Variants in PRRG4 observed in about 807,000 individuals in gnomAD.
PRRG4 encodes the protein proline rich and Gla domain 4, also known as transmembrane gamma-carboxyglutamic acid protein 4.
In PRRG4, 12 loss-of-function variants were observed where a neutral mutation model predicts 20.0. The ratio of observed to expected loss-of-function variants is 0.60; its 90% CI spans 0.38 to 0.97. PRRG4 has a LOEUF of 0.97. PRRG4 is among the 50% of genes least tolerant of loss of function. The pLI is 0.00. For synonymous variants in PRRG4, 94 were observed against 96.4 expected, an observed-to-expected ratio of 0.98 and a Z score of 0.15; for missense variants, 199 against 265.1, an observed-to-expected ratio of 0.75 and a Z score of 1.73.
rs1220079128 is a variant in PRRG4 at position 32,840,589 on chromosome 11, G to C, written c.449+350G>C. 6.6e-6 allele frequency among the ~76,000 whole-genome samples: 1 copy of C among 152,152 alleles called. No homozygotes were observed. Among genetic ancestry groups the C allele is most frequent in the African/African-American group, 2.4e-5 (1 of 41,442 alleles). On this transcript the variant is annotated intron_variant, in intron 5 of 5. Coordinates refer to ENST00000257836, the MANE Select transcript of PRRG4 (RefSeq NM_024081.6). The surrounding 1 kb of genome is among the most constrained non-coding windows in gnomAD (Gnocchi z 4.1). ...TCAAGTTACCACATTGCATTTAGCT[G>C]TCATGTCTTCCCAGTCTGTGGCAAT... is the stretch of plus-strand genomic sequence containing the variant.
At chr11:32,846,279 G>A (rs1269745402) in intron 5 of PRRG4, among the ~76,000 whole-genome samples, 1 of 152,204 alleles carries the variant, frequency 6.6e-6, no homozygotes, top group East Asian at 1.9e-4. Flanking sequence ...CAAAGTGCTA[G>A]GATTACAGGC....
At chr11:32,835,144 T>C (rs1322367683) in intron 2 of PRRG4, among the ~76,000 whole-genome samples, 1 of 152,236 alleles carries the variant, frequency 6.6e-6, no homozygotes, top group Non-Finnish European at 1.5e-5. Flanking sequence ...CATCTGTGGC[T>C]AATGGCTACC....
At chr11:32,845,484 C>G (rs1590675269) in intron 5 of PRRG4, among the ~76,000 whole-genome samples, 1 of 151,862 alleles carries the variant, frequency 6.6e-6, no homozygotes, top group African/African-American at 2.4e-5. Context: ...AAAAAAAAAT[C>G]AGCCGGGCGT....
intron 2 of PRRG4, 40 bp downstream of exon 2, chr11:32,830,672 C>T (rs776697694): frequency 1.4e-5 from 22 of 1,612,874 alleles, no homozygotes; most frequent in Non-Finnish European, 1.8e-5. Context: ...AGCCGCATAG[C>T]ACAGATCTCA....
intron 5 of PRRG4, among the ~76,000 whole-genome samples, chr11:32,848,704 G>A (rs1056058696): frequency 1.3e-5 from 2 of 152,010 alleles, no homozygotes; most frequent in Admixed American, 6.6e-5. Context: ...AGGGGTGGTG[G>A]CTCATGCCTG....
chr11:32,852,771 TC>T (rs1222745122), intron 5 of PRRG4, among the ~76,000 whole-genome samples: 2 of 144,494 alleles, frequency 1.4e-5, no homozygotes, highest in Non-Finnish European at 3.0e-5. Context: ...ATCAGATTTC[TC>T]TTTTTTTTTT....
rs1851220368 is a variant in PRRG4 at position 32,855,258 on chromosome 11, G to C, written c.*1731G>C. On this transcript the variant is annotated 3_prime_UTR_variant, in exon 6 of 6. Coordinates refer to ENST00000257836, the MANE Select transcript of PRRG4 (RefSeq NM_024081.6). ...GCAGCATATAAGCTATAAATTTCTGGAGTATATGCACACAAATTTATCTGG... is the reference window on the plus strand; with the variant it reads ...GCAGCATATAAGCTATAAATTTCTGCAGTATATGCACACAAATTTATCTGG... 6.6e-6 allele frequency: 1 copy of C among 152,032 alleles called. No homozygotes were observed. Among genetic ancestry groups the C allele is most frequent in the South Asian group, 2.1e-4 (1 of 4,822 alleles). The allele number at this position is 152,032 out of a possible 1,614,324, so 9.4% of individuals were successfully genotyped here.
In PRRG4 at chr11:32,830,651, C is replaced by T; in HGVS notation, c.103+19C>T. The T allele has an allele frequency of 5.6e-6, 9 of 1,613,850 alleles. No individual in the cohort carries two copies. The highest frequency in any genetic ancestry group is 7.6e-6 in the Non-Finnish European group (9 of 1,179,972). ...GAAGAAGGTAAGCACTAAAACGTCC[C>T]TGGAACCCAGAGCCGCATAGCACAG... is the stretch of plus-strand genomic sequence containing the variant. On this transcript the variant is annotated intron_variant, in intron 2 of 5. Coordinates refer to ENST00000257836, the MANE Select transcript of PRRG4 (RefSeq NM_024081.6).
rs559715124 is a variant in PRRG4, at chr11:32,845,885, G to A, written c.449+5646G>A. Among the ~76,000 whole-genome samples, 16 of 152,130 alleles carry A rather than the reference G, an allele frequency of 1.1e-4. No individual in the cohort carries two copies. In the South Asian group the frequency reaches 1.7e-3, roughly 16 times the overall value. The stretch of plus-strand genomic sequence containing the variant: ...ATAATTGTAAGCCAAGGCCAGGCAC[G>A]GTGGCTCATGCCTGTAGTCCCAGCT... On this transcript the variant is annotated intron_variant, in intron 5 of 5. Coordinates refer to ENST00000257836, the MANE Select transcript of PRRG4 (RefSeq NM_024081.6).
At chr11:32,849,449 G>T (rs1405492634) in intron 5 of PRRG4, among the ~76,000 whole-genome samples, 1 of 152,066 alleles carries the variant, frequency 6.6e-6, no homozygotes, top group Non-Finnish European at 1.5e-5. Flanking sequence ...CAGATCACGA[G>T]GTCAGGAGTT....
In PRRG4 at chr11:32,856,232, T is replaced by G. The variant is rs1851226825; in HGVS notation, c.*2705T>G. On this transcript the variant is annotated 3_prime_UTR_variant, in exon 6 of 6. Coordinates refer to ENST00000257836, the MANE Select transcript of PRRG4 (RefSeq NM_024081.6). ...GACTCCCAAAATTCTAACTGCAAGC[T>G]AGCTTCAGAACCTGTGAGAACCCCA... 1 of 152,230 alleles carries G rather than the reference T, an allele frequency of 6.6e-6. No individual in the cohort carries two copies. Among genetic ancestry groups the G allele is most frequent in the African/African-American group, 2.4e-5 (1 of 41,452 alleles). 9.4% of individuals were successfully genotyped at this position (152,230 alleles called of 1,614,324 possible). A position where few individuals can be genotyped will look rare whatever the true frequency, so the allele number is the denominator to read the frequency against.
chr11:32,833,182 CAGTCAGTG>C (rs774849569), intron 2 of PRRG4, among the ~76,000 whole-genome samples: 19 of 152,196 alleles, frequency 1.2e-4, no homozygotes, highest in Non-Finnish European at 8.8e-5. Flanking sequence ...CACCAAAAGT[CAGTCAGTG>C]ACAGAATCAG....
At chr11:32,851,922 T>C (rs756319046) in intron 5 of PRRG4, among the ~76,000 whole-genome samples, 5 of 152,200 alleles carry the variant, frequency 3.3e-5, no homozygotes, top group Non-Finnish European at 5.9e-5. Context: ...CTATAGGAGG[T>C]TAATGTATGT....
intron 2 of PRRG4, among the ~76,000 whole-genome samples, chr11:32,836,384 GA>G (rs1851019768): frequency 6.6e-6 from 1 of 152,062 alleles, no homozygotes; most frequent in Non-Finnish European, 1.5e-5. Context: ...TATCTGGAGG[GA>G]AAAGAGATAT....
In PRRG4 at chr11:32,831,125, T is replaced by C. The variant is rs117481707; in HGVS notation, c.103+493T>C. On this transcript the variant is annotated intron_variant, in intron 2 of 5. Coordinates refer to ENST00000257836, the MANE Select transcript of PRRG4 (RefSeq NM_024081.6). ...TGAGGTCCTTTTTGACTTCAGATGGTCTAGTTGTCTAGATAAAAGCAGCTA... is the reference window on the plus strand; with the variant it reads ...TGAGGTCCTTTTTGACTTCAGATGGCCTAGTTGTCTAGATAAAAGCAGCTA... Among the ~76,000 whole-genome samples, 16 of 152,282 alleles carry C rather than the reference T, an allele frequency of 1.1e-4. No homozygotes were observed. The East Asian group carries it at 1.5e-3, about 15-fold the overall frequency.
intron 5 of PRRG4, among the ~76,000 whole-genome samples, chr11:32,848,666 CA>C (rs1565117231): frequency 6.6e-6 from 1 of 150,880 alleles, no homozygotes; most frequent in Non-Finnish European, 1.5e-5. Flanking sequence ...ACTTGGAAAA[CA>C]AAAAAAGAAA....
At chr11:32,841,873 G>A (rs35094154) in intron 5 of PRRG4, among the ~76,000 whole-genome samples, 15,622 of 152,134 alleles carry the variant, frequency 0.1, 844 homozygotes, top group Non-Finnish European at 0.13. Context: ...CCAATGTTAA[G>A]TATTCCAAAT....
At chr11:32,836,257 C>G (rs1271197494) in intron 2 of PRRG4, among the ~76,000 whole-genome samples, 1 of 152,126 alleles carries the variant, frequency 6.6e-6, no homozygotes, top group Non-Finnish European at 1.5e-5. Context: ...GAACAAAAAG[C>G]TGTCTTCTAA....
intron 3 of PRRG4, among the ~76,000 whole-genome samples, chr11:32,837,357 T>G (rs750966153): frequency 7.9e-5 from 12 of 152,076 alleles, no homozygotes; most frequent in Non-Finnish European, 1.6e-4. Flanking sequence ...GGAAGTATAT[T>G]ATTTGGTCTA....
Sources: allele counts gnomAD v4.1 joint callset (sites outside exome capture counted in the v4.1 genomes callset), GRCh38; gene constraint gnomAD v4.1.1; non-coding constraint Gnocchi (gnomAD v3.1); transcripts MANE v1.5; gene names NCBI Gene and HGNC (gene_info 2026-07-23, HGNC 2026-07-21).